CLIC2: variants seen among roughly 807,000 people sequenced by gnomAD.
CLIC2 encodes the protein CLIC family member 2.
Under a neutral mutation model 14.8 loss-of-function variants are expected in CLIC2, and 9 were observed. That is an observed-to-expected ratio of 0.61 (90% CI 0.37 to 1.06). The LOEUF (loss-of-function observed/expected upper bound fraction) is 1.06, where lower values mean the gene tolerates loss of function less well. CLIC2 is among the 50% of genes least tolerant of loss of function. The probability of loss-of-function intolerance (pLI) is 0.01; values close to 1 mark genes in which losing one functional copy is unlikely to be tolerated. For missense variants in CLIC2, 148 were observed against 181.4 expected (o/e 0.82, Z 1.06); for synonymous variants, 61 against 66.3 (o/e 0.92, Z 0.39).
At chrX:155,292,766 T>C (rs77902120) in intron 3 of CLIC2, 3 of 411,171 alleles carry the variant, frequency 7.3e-6, no homozygotes, top group Non-Finnish European at 4.1e-6. Flanking sequence ...CGAGACTCCG[T>C]CTCAAAACAA....
At chrX:155,315,186 T>C (rs1433568300) in intron 1 of CLIC2, among the ~76,000 whole-genome samples, 1 of 112,240 alleles carries the variant, frequency 8.9e-6, no homozygotes, top group African/African-American at 3.2e-5. Context: ...AAAACCATAT[T>C]TGAGGGAATA....
chrX:155,311,202 T>C (rs2075073210), intron 1 of CLIC2, among the ~76,000 whole-genome samples: 1 of 112,149 alleles, frequency 8.9e-6, no homozygotes, highest in Non-Finnish European at 1.9e-5. Context: ...TATCACACTG[T>C]CAGGCTGCAA....
At chrX:155,299,936 A>G (rs1333000462) in intron 1 of CLIC2, among the ~76,000 whole-genome samples, 4 of 110,224 alleles carry the variant, frequency 3.6e-5, no homozygotes, top group African/African-American at 1.3e-4. Context: ...ATAGTATTCC[A>G]TGGTGTATAT....
intron 1 of CLIC2, among the ~76,000 whole-genome samples, chrX:155,312,067 C>A (rs1178510217): frequency 8.9e-6 from 1 of 111,824 alleles, no homozygotes. Context: ...AAAATACTAG[C>A]AAACTGAATT....
At chrX:155,319,406 G>A (rs1388562625) in intron 1 of CLIC2, among the ~76,000 whole-genome samples, 2 of 111,614 alleles carry the variant, frequency 1.8e-5, no homozygotes, top group African/African-American at 6.5e-5. Flanking sequence ...GCCCAAGGAG[G>A]GTGAGCCAAA....
intron 1 of CLIC2, among the ~76,000 whole-genome samples, chrX:155,313,356 C>T (rs782678964): frequency 9.0e-6 from 1 of 111,371 alleles, no homozygotes; most frequent in Non-Finnish European, 1.9e-5. Context: ...CCCAGCAATC[C>T]TATTACTGGG....
At chrX:155,282,149 G>T (rs1210389920) in intron 3 of CLIC2, among the ~76,000 whole-genome samples, 1 of 111,304 alleles carries the variant, frequency 9.0e-6, no homozygotes, top group Non-Finnish European at 1.9e-5. Flanking sequence ...CTTTTAACTT[G>T]GTCTGCCCGT....
At chrX:155,279,433 A>T (rs782024504) in intron 4 of CLIC2, 103 bp from the exon 5 acceptor site, 3 of 566,813 alleles carry the variant, frequency 5.3e-6, no homozygotes, top group Non-Finnish European at 8.8e-6. Flanking sequence ...ATCTATACAT[A>T]CTACTTACAC....
At chrX:155,286,881 G>A in intron 3 of CLIC2, among the ~76,000 whole-genome samples, 1 of 112,170 alleles carries the variant, frequency 8.9e-6, no homozygotes, top group South Asian at 3.7e-4. Flanking sequence ...TTTGTTAGAT[G>A]CATAGTTTGT....
At chrX:155,291,279 T>A in intron 3 of CLIC2, 1 of 910,671 alleles carries the variant, frequency 1.1e-6, no homozygotes. Flanking sequence ...AGTTGCCCAT[T>A]TTCAATAGAT....
At chrX:155,318,774 C>G (rs1252567735) in intron 1 of CLIC2, among the ~76,000 whole-genome samples, 7 of 111,781 alleles carry the variant, frequency 6.3e-5, no homozygotes, top group Admixed American at 1.9e-4. Context: ...GCAAAAAGAA[C>G]AAATCTGGAG....
Position 155,334,602 on chromosome X carries a change from G to A in CLIC2, c.-175C>T. 1 of 460,701 alleles carries A rather than the reference G, an allele frequency of 2.2e-6. No homozygotes were observed. Among genetic ancestry groups the A allele is most frequent in the Non-Finnish European group, 3.9e-6 (1 of 257,709 alleles). The allele number at this position is 460,701 out of a possible 1,213,427, so 38.0% of individuals were successfully genotyped here. A position where few individuals can be genotyped will look rare whatever the true frequency, so the allele number is the denominator to read the frequency against. ...GCCAGTCTCTTCTCTCAAGAGGTGTGACGCAGAAAATTCTAGATGCTTAAG... is the reference window on the plus strand; with the variant it reads ...GCCAGTCTCTTCTCTCAAGAGGTGTAACGCAGAAAATTCTAGATGCTTAAG... On this transcript the variant is annotated 5_prime_UTR_variant, in exon 1 of 6. Coordinates refer to ENST00000369449, the MANE Select transcript of CLIC2 (RefSeq NM_001289.6).
intron 1 of CLIC2, among the ~76,000 whole-genome samples, chrX:155,302,364 C>T (rs1186189359): frequency 4.6e-5 from 5 of 109,383 alleles, no homozygotes; most frequent in East Asian, 2.9e-4. Flanking sequence ...AGTTTATTTG[C>T]GTAGAGGTGT....
In CLIC2 at chrX:155,298,927, T is replaced by A. The variant is rs1292304386; in HGVS notation, c.168-17A>T. 9 of 1,203,626 alleles carry A rather than the reference T, an allele frequency of 7.5e-6. No individual in the cohort carries two copies. In the Admixed American group the frequency reaches 2.0e-4, roughly 26 times the overall value. On this transcript the variant is annotated splice_polypyrimidine_tract_variant and intron_variant, in intron 2 of 5. Transcript: ENST00000369449. ...TCAGGCTTTCTATGATTATTAAAAA[T>A]AAGCAGAGTTAGGTCTCTAGATAAA...
chrX:155,289,278 A>T (rs2074954300), intron 3 of CLIC2, among the ~76,000 whole-genome samples: 1 of 112,050 alleles, frequency 8.9e-6, no homozygotes, highest in South Asian at 3.6e-4. Flanking sequence ...CCTCAAAGTT[A>T]TGGTTTTTGT....
chrX:155,330,640 C>T (rs182273597), intron 1 of CLIC2, among the ~76,000 whole-genome samples: 553 of 110,954 alleles, frequency 5.0e-3, no homozygotes, highest in Non-Finnish European at 7.7e-3. Flanking sequence ...AAACATGTAC[C>T]TATGAAAATA....
chrX:155,307,656 A>C (rs1299323865), intron 1 of CLIC2, among the ~76,000 whole-genome samples: 1 of 111,651 alleles, frequency 9.0e-6, no homozygotes, highest in Non-Finnish European at 1.9e-5. Context: ...AGGCTGAGGC[A>C]GGCAGATCAC....
Position 155,277,426 on chromosome X carries a change from T to C in CLIC2, c.*477A>G, listed in dbSNP as rs2074902526. 1 of 114,305 alleles carries C rather than the reference T, an allele frequency of 8.7e-6. No homozygotes were observed. The highest frequency in any genetic ancestry group is 3.2e-5 in the African/African-American group (1 of 30,794). 9.4% of individuals were successfully genotyped at this position (114,305 alleles called of 1,213,427 possible). ...ATTTTAAAAATCATTCTTTAAGAAT[T>C]TGCCTCTCTGATATGCTCACTCTCT... On this transcript the variant is annotated 3_prime_UTR_variant, in exon 6 of 6. Coordinates refer to ENST00000369449, the MANE Select transcript of CLIC2 (RefSeq NM_001289.6).
In CLIC2 at chrX:155,297,876, A is replaced by AG. The variant is rs2074999260; in HGVS notation, c.293+908_293+909insC. Reference sequence around the variant, plus strand: ...CTCCGGTCTCAAAAAAAAAAAAAAAAAAAAAAAAAAGAAGGTGAACCATCA... The same window carrying AG: ...CTCCGGTCTCAAAAAAAAAAAAAAAAGAAAAAAAAAAGAAGGTGAACCATCA... On this transcript the variant is annotated intron_variant, in intron 3 of 5. Coordinates refer to ENST00000369449, the MANE Select transcript of CLIC2 (RefSeq NM_001289.6). Among the ~76,000 whole-genome samples the AG allele has an allele frequency of 2.1e-5, 2 of 93,522 alleles. 1 individual carries two copies. The highest frequency in any genetic ancestry group is 4.3e-5 in the Non-Finnish European group (2 of 46,209). 81.2% of individuals were successfully genotyped at this position (93,522 alleles called of 115,157 possible). A position where few individuals can be genotyped will look rare whatever the true frequency, so the allele number is the denominator to read the frequency against.
Sources: gnomAD v4.1 joint callset for allele counts (sites outside exome capture counted in the v4.1 genomes callset) on GRCh38, gnomAD v4.1.1 for gene constraint, MANE v1.5 for transcripts, NCBI Gene and HGNC (gene_info 2026-07-23, HGNC 2026-07-21) for gene names.